Variants in CMC1 observed in about 807,000 individuals in gnomAD.
CMC1 encodes the protein C-X9-C motif containing 1.
CMC1 carries 14 observed loss-of-function variants against 14.1 expected under a neutral mutation model. The ratio of observed to expected loss-of-function variants is 0.99; its 90% CI spans 0.66 to 1.55. CMC1 has a LOEUF of 1.55. Ranked by LOEUF, CMC1 falls within the 40% of genes most tolerant of loss-of-function variation. CMC1 has a pLI of 0.00. For synonymous variants in CMC1, 50 were observed against 38.4 expected (o/e 1.30, Z -1.12); for missense variants, 127 against 123.8 (o/e 1.03, Z -0.12).
In CMC1 at chr3:28,296,847, A is replaced by G. The variant is rs113205459; in HGVS notation, c.110-19486A>G. 4.8e-3 allele frequency among the ~76,000 whole-genome samples: 727 copies of G among 152,158 alleles called. 4 individuals are homozygous for G. Among genetic ancestry groups the G allele is most frequent in the African/African-American group, 0.017 (695 of 41,564 alleles). On this transcript the variant is annotated intron_variant, in intron 2 of 3. Coordinates refer to ENST00000466830, the MANE Select transcript of CMC1 (RefSeq NM_182523.2). Reference sequence around the variant, plus strand: ...TAATAGAGTAATAGGGAAAAAAAGTAAGGTTTGTTGTTTTACATTTCTTGG... The same window carrying G: ...TAATAGAGTAATAGGGAAAAAAAGTGAGGTTTGTTGTTTTACATTTCTTGG...
chr3:28,281,358 A>G (rs1437848860), intron 2 of CMC1, among the ~76,000 whole-genome samples: 1 of 152,190 alleles, frequency 6.6e-6, no homozygotes, highest in Non-Finnish European at 1.5e-5. Flanking sequence ...GCAATTTTAA[A>G]ACTTGATTCC....
chr3:28,316,536 A>G lies in CMC1; in HGVS notation c.200+113A>G, dbSNP rs1702934942. Reference sequence around the variant, plus strand: ...TGTACCTCTCCATACCAAATTTATCATATTGTTGGCTGAGTCTAAAGTTCC... The same window carrying G: ...TGTACCTCTCCATACCAAATTTATCGTATTGTTGGCTGAGTCTAAAGTTCC... On this transcript the variant is annotated intron_variant, in intron 3 of 3. Transcript: ENST00000466830. 22 of 467,300 alleles carry G rather than the reference A, an allele frequency of 4.7e-5. 1 individual carries two copies. In the East Asian group the frequency reaches 7.6e-4, roughly 16 times the overall value. 28.9% of individuals were successfully genotyped at this position (467,300 alleles called of 1,614,324 possible). A position where few individuals can be genotyped will look rare whatever the true frequency, so the allele number is the denominator to read the frequency against.
chr3:28,301,785 C>T (rs752501190), intron 2 of CMC1, among the ~76,000 whole-genome samples: 2 of 151,912 alleles, frequency 1.3e-5, no homozygotes, highest in East Asian at 1.9e-4. Context: ...TTTAAACTGG[C>T]GCTGAGCCAG....
intron 2 of CMC1, among the ~76,000 whole-genome samples, chr3:28,308,994 ATAAAT>A (rs1702483244): frequency 2.8e-5 from 3 of 105,934 alleles, no homozygotes; most frequent in South Asian, 2.6e-4. Context: ...AAAAAAATAA[ATAAAT>A]AAATAAATAA....
intron 2 of CMC1, among the ~76,000 whole-genome samples, chr3:28,294,916 T>G (rs2125559131): frequency 6.6e-6 from 1 of 152,220 alleles, no homozygotes; most frequent in South Asian, 2.1e-4. Flanking sequence ...AACTGAACCC[T>G]TCTTTCTTTG....
chr3:28,320,016 G>A lies in CMC1; in HGVS notation c.*387G>A. The A allele has an allele frequency of 6.3e-6, 1 of 159,080 alleles. No individual in the cohort carries two copies. 9.9% of individuals were successfully genotyped at this position (159,080 alleles called of 1,614,324 possible). A position where few individuals can be genotyped will look rare whatever the true frequency, so the allele number is the denominator to read the frequency against. On this transcript the variant is annotated 3_prime_UTR_variant, in exon 4 of 4. Transcript: ENST00000466830. ...CTTCAAAGGTGTTAATAATAACTAG[G>A]CAGTATAGCAGAATGGCTATGAACC...
At chr3:28,293,206 T>TA in intron 2 of CMC1, among the ~76,000 whole-genome samples, 1 of 152,264 alleles carries the variant, frequency 6.6e-6, no homozygotes, top group Middle Eastern at 3.4e-3. Context: ...CATGAGAGAT[T>TA]AAAGACTGTG....
chr3:28,300,549 A>G (rs569913864), intron 2 of CMC1, among the ~76,000 whole-genome samples: 17 of 151,968 alleles, frequency 1.1e-4, no homozygotes, highest in African/African-American at 3.9e-4. Flanking sequence ...TCTCTTATAT[A>G]GACCCCACTC....
At chr3:28,254,956 A>G (rs1461745545) in intron 1 of CMC1, among the ~76,000 whole-genome samples, 2 of 152,174 alleles carry the variant, frequency 1.3e-5, no homozygotes, top group African/African-American at 2.4e-5. Context: ...TTTCTCTGTA[A>G]GTAAGCATCA....
intron 1 of CMC1, chr3:28,253,854 G>A (rs2125438256): frequency 1.8e-6 from 1 of 563,198 alleles, no homozygotes; most frequent in South Asian, 1.6e-5. Flanking sequence ...ATTATTGAAA[G>A]GGCATAACTT....
intron 2 of CMC1, among the ~76,000 whole-genome samples, chr3:28,315,716 T>C (rs1032099588): frequency 2.0e-5 from 3 of 152,178 alleles, no homozygotes; most frequent in African/African-American, 7.2e-5. Flanking sequence ...ATGATAATGG[T>C]GTATTTTTAC....
At chr3:28,316,184 C>G in intron 2 of CMC1, 149 bp from the exon 3 acceptor site, 1 of 501,164 alleles carries the variant, frequency 2.0e-6, no homozygotes, top group Non-Finnish European at 3.5e-6. Flanking sequence ...AATAGATGTT[C>G]AAGGCTGCAG....
chr3:28,286,760 G>T (rs543420270), intron 2 of CMC1, among the ~76,000 whole-genome samples: 2 of 152,140 alleles, frequency 1.3e-5, no homozygotes, highest in Non-Finnish European at 1.5e-5. Flanking sequence ...TGTATATTAT[G>T]AAGTAAAGAT....
chr3:28,268,675 C>G (rs1228872130), intron 2 of CMC1, among the ~76,000 whole-genome samples: 3 of 152,140 alleles, frequency 2.0e-5, no homozygotes, highest in Admixed American at 1.3e-4. Flanking sequence ...TGCAAGCAAG[C>G]CTTTTAAGGA....
chr3:28,282,003 G>C (rs1360871519), intron 2 of CMC1, among the ~76,000 whole-genome samples: 1 of 152,116 alleles, frequency 6.6e-6, no homozygotes, highest in African/African-American at 2.4e-5. Flanking sequence ...TTAACAGTCT[G>C]AAACAGAAGT....
At chr3:28,309,032 C>G (rs1249291551) in intron 2 of CMC1, among the ~76,000 whole-genome samples, 2 of 151,854 alleles carry the variant, frequency 1.3e-5, no homozygotes, top group African/African-American at 4.8e-5. Context: ...AAAATTGGGT[C>G]TAGTGGACCC....
At chr3:28,289,149 A>G (rs1701343491) in intron 2 of CMC1, among the ~76,000 whole-genome samples, 1 of 151,502 alleles carries the variant, frequency 6.6e-6, no homozygotes, top group Admixed American at 6.6e-5. Context: ...ACAGTCTGCA[A>G]AGCAGTATTA....
intron 2 of CMC1, among the ~76,000 whole-genome samples, chr3:28,310,359 G>T (rs34574968): frequency 0.21 from 31,510 of 152,180 alleles, 4,039 homozygotes; most frequent in Middle Eastern, 0.29. Context: ...TACACAGTAA[G>T]TACTTTGAAA....
rs372702552 is a variant in CMC1, at chr3:28,249,709, C to G, written c.19+7897C>G. 7.9e-5 allele frequency among the ~76,000 whole-genome samples: 12 copies of G among 152,294 alleles called. No individual in the cohort carries two copies. The East Asian group carries it at 1.9e-3, about 25-fold the overall frequency. On this transcript the variant is annotated intron_variant, in intron 1 of 3. Transcript: ENST00000466830. Reference sequence around the variant, plus strand: ...AGCCAGGGTTGAGAGCTTCTGGTACCAAAATCTGTCTTAGTCTACTCAGGC... The same window carrying G: ...AGCCAGGGTTGAGAGCTTCTGGTACGAAAATCTGTCTTAGTCTACTCAGGC...
Sources: gnomAD v4.1 joint callset for allele counts (sites outside exome capture counted in the v4.1 genomes callset) on GRCh38, gnomAD v4.1.1 for gene constraint, MANE v1.5 for transcripts, NCBI Gene and HGNC (gene_info 2026-07-23, HGNC 2026-07-21) for gene names.